Variants in GTF2IRD1 observed in about 807,000 individuals in gnomAD.
GTF2IRD1 encodes the protein GTF2I repeat domain containing 1.
Under a neutral mutation model 113.2 loss-of-function variants are expected in GTF2IRD1, and 26 were observed. The observed-to-expected ratio is 0.23, with a 90% CI of 0.17 to 0.32. The LOEUF (loss-of-function observed/expected upper bound fraction) is 0.32. Among genes scored for constraint, GTF2IRD1 ranks in the 10% least tolerant of loss-of-function variants. GTF2IRD1 has a pLI of 1.00. For missense variants in GTF2IRD1, 864 were observed against 1,280.8 expected (o/e 0.67, Z 4.97); for synonymous variants, 484 against 529.1 (o/e 0.91, Z 1.17).
chr7:74,521,284 C>G lies in GTF2IRD1; in HGVS notation c.993C>G (p.Val331=). 1 of 1,608,594 alleles carries G rather than the reference C, an allele frequency of 6.2e-7. No homozygotes were observed. The highest frequency in any genetic ancestry group is 2.2e-5 in the East Asian group (1 of 44,834). Residue 331 remains valine, a synonymous_variant, in exon 7 of 27, where the codon GTC becomes GTG. Transcript: ENST00000424337. The stretch of plus-strand genomic sequence containing the variant: ...CCAAGCGCATTCTCTTCTCCATCGT[C>G]CATGACAAGTCAGGTAGGACAGCGC... ...HASKRILFSI[V]HDKSEKWDAF...
At chr7:74,474,574 T>A (rs1794298173) in intron 1 of GTF2IRD1, among the ~76,000 whole-genome samples, 4 of 152,194 alleles carry the variant, frequency 2.6e-5, no homozygotes, top group African/African-American at 9.7e-5. Flanking sequence ...CAGACTTCAC[T>A]TTGAAGCTGG....
intron 26 of GTF2IRD1, 178 bp downstream of exon 26, chr7:74,601,358 C>T: frequency 1.3e-6 from 2 of 1,526,692 alleles, no homozygotes; most frequent in Non-Finnish European, 1.8e-6. Context: ...CAAGAGGTAG[C>T]CCATCCTTCT....
chr7:74,559,305 C>T (rs1261500315), intron 21 of GTF2IRD1, among the ~76,000 whole-genome samples: 10 of 152,284 alleles, frequency 6.6e-5, no homozygotes, highest in Middle Eastern at 3.4e-3. Flanking sequence ...CAGCAACACC[C>T]GCTCACTGCA....
In GTF2IRD1 at chr7:74,535,100, C is replaced by T. The variant is rs782055471; in HGVS notation, c.1275-13C>T. On this transcript the variant is annotated splice_polypyrimidine_tract_variant and intron_variant, in intron 9 of 26. Coordinates refer to ENST00000424337, the MANE Select transcript of GTF2IRD1 (RefSeq NM_005685.4). ...CTGCACTGTTCTCATGCCTGTCTCTCTTCTCTCCCCAGGATGTTTGATGAG... is the reference window on the plus strand; with the variant it reads ...CTGCACTGTTCTCATGCCTGTCTCTTTTCTCTCCCCAGGATGTTTGATGAG... 1.2e-6 allele frequency: 2 copies of T among 1,611,672 alleles called. No individual in the cohort carries two copies. Among genetic ancestry groups the T allele is most frequent in the African/African-American group, 2.7e-5 (2 of 74,882 alleles).
intron 8 of GTF2IRD1, 132 bp downstream of exon 8, chr7:74,524,286 T>G: frequency 1.6e-6 from 1 of 624,666 alleles, no homozygotes; most frequent in Non-Finnish European, 2.8e-6. Flanking sequence ...GCACCGCTAA[T>G]GTCATCCGTC....
At chr7:74,538,857 C>T in intron 13 of GTF2IRD1, 97 bp downstream of exon 13, 1 of 694,078 alleles carries the variant, frequency 1.4e-6, no homozygotes, top group Non-Finnish European at 2.6e-6. Flanking sequence ...CTCCAGGCCG[C>T]TGTTTCTCTC....
intron 19 of GTF2IRD1, among the ~76,000 whole-genome samples, chr7:74,557,384 T>G (rs1554357339): frequency 6.6e-6 from 1 of 152,206 alleles, no homozygotes; most frequent in East Asian, 1.9e-4. Flanking sequence ...GCTTATTTAT[T>G]GGTTTGGTGG....
In GTF2IRD1 at chr7:74,558,959, C is replaced by T; in HGVS notation, c.2206C>T (p.Pro736Ser). The T allele has an allele frequency of 3.1e-6, 5 of 1,614,132 alleles. No individual in the cohort carries two copies. Among genetic ancestry groups the T allele is most frequent in the Non-Finnish European group, 4.2e-6 (5 of 1,180,012 alleles). ...CATCGAGGGGCTGCCCCCAGGAATCCCGTTCCGAAAGCCCTGTACCTTCGG... is the reference window on the plus strand; with the variant it reads ...CATCGAGGGGCTGCCCCCAGGAATCTCGTTCCGAAAGCCCTGTACCTTCGG... ...VIIEGLPPGIPFRKPCTFGSQ... is the reference protein window; with the variant it reads ...VIIEGLPPGISFRKPCTFGSQ... Residue 736 changes from proline to serine, a missense_variant, in exon 21 of 27, where the codon CCG (proline) becomes TCG (serine). Physicochemically the swap from Pro to Ser is moderately conservative, Grantham distance 74 (BLOSUM62 -1). Coordinates refer to ENST00000424337, the MANE Select transcript of GTF2IRD1 (RefSeq NM_005685.4).
At chr7:74,485,643 T>G (rs1584496855) in intron 1 of GTF2IRD1, among the ~76,000 whole-genome samples, 3 of 150,192 alleles carry the variant, frequency 2.0e-5, no homozygotes, top group Admixed American at 6.7e-5. Flanking sequence ...TAGATGCAGC[T>G]GGGAGCAGTG....
rs576321321 is a variant in GTF2IRD1, at chr7:74,482,779, T to G, written c.-6-25296T>G. Among the ~76,000 whole-genome samples the G allele has an allele frequency of 2.6e-5, 4 of 152,292 alleles. No homozygotes were observed. In the East Asian group the frequency reaches 7.7e-4, roughly 29 times the overall value. ...TGGAATTCTACCATGTGACCTCAGA[T>G]TCTTTCATCATCCTTGCGAGATTCC... On this transcript the variant is annotated intron_variant, in intron 1 of 26. Coordinates refer to ENST00000424337, the MANE Select transcript of GTF2IRD1 (RefSeq NM_005685.4).
Position 74,584,443 on chromosome 7 carries a change from G to A in GTF2IRD1, c.2321-5408G>A, listed in dbSNP as rs587655209. ...CTGGAAAACAGGGAGACTCTGTCTC[G>A]AAAAATAAAAAAATAAAGGGGGAAG... On this transcript the variant is annotated intron_variant, in intron 22 of 26. Coordinates refer to ENST00000424337, the MANE Select transcript of GTF2IRD1 (RefSeq NM_005685.4). Among the ~76,000 whole-genome samples the A allele has an allele frequency of 1.8e-4, 28 of 151,878 alleles. No individual in the cohort carries two copies. In the South Asian group the frequency reaches 3.1e-3, roughly 17 times the overall value.
rs782163918 is a variant in GTF2IRD1, at chr7:74,601,087, G to T, written c.2673G>T (p.Ser891=). The T allele has an allele frequency of 6.8e-6, 11 of 1,614,078 alleles. No individual in the cohort carries two copies. In the East Asian group the frequency reaches 2.5e-4, roughly 36 times the overall value. ...CCAAGCGCAAGAGAAAGCGGGTCTC[G>T]GAAGGAAATTCCGTCTCCTCTTCCT... The part of the protein sequence containing the change: ...SIPKRKRKRV[S]EGNSVSSSSS... The change falls in exon 26 of 27, where the codon TCG becomes TCT. Residue 891 remains serine (S), a synonymous_variant. Transcript: ENST00000424337.
intron 25 of GTF2IRD1, among the ~76,000 whole-genome samples, chr7:74,600,037 T>G (rs1380304141): frequency 1.3e-5 from 2 of 152,174 alleles, no homozygotes; most frequent in East Asian, 3.9e-4. Context: ...GAATAGGATC[T>G]TGGAGGGTTG....
At chr7:74,500,637 C>G (rs1795983020) in intron 1 of GTF2IRD1, among the ~76,000 whole-genome samples, 2 of 152,288 alleles carry the variant, frequency 1.3e-5, no homozygotes, top group South Asian at 4.1e-4. Flanking sequence ...TTCTTTGCAT[C>G]ACGTGTGTGG....
chr7:74,581,337 C>T (rs1480579007), intron 22 of GTF2IRD1, among the ~76,000 whole-genome samples: 1 of 152,182 alleles, frequency 6.6e-6, no homozygotes, highest in Non-Finnish European at 1.5e-5. Flanking sequence ...TGCTGCTTTA[C>T]AGATGAGGAC....
intron 1 of GTF2IRD1, among the ~76,000 whole-genome samples, chr7:74,478,237 G>A (rs1378291190): frequency 6.6e-6 from 1 of 152,154 alleles, no homozygotes; most frequent in Non-Finnish European, 1.5e-5. Flanking sequence ...TGAGCAACAC[G>A]GGACCTGATG....
chr7:74,515,015 C>T (rs1554344192), intron 3 of GTF2IRD1, among the ~76,000 whole-genome samples: 1 of 146,582 alleles, frequency 6.8e-6, no homozygotes, highest in Non-Finnish European at 1.5e-5. Context: ...CAAGCTTGTG[C>T]CACTGCACTC....
chr7:74,512,859 G>T lies in GTF2IRD1; in HGVS notation c.153G>T (p.Glu51Asp). 1 of 1,614,132 alleles carries T rather than the reference G, an allele frequency of 6.2e-7. No homozygotes were observed. The highest frequency in any genetic ancestry group is 8.5e-7 in the Non-Finnish European group (1 of 1,179,996). Residue 51 changes from glutamate to aspartate, a missense_variant, in exon 3 of 27, where the codon GAG becomes GAT. Transcript: ENST00000424337. This position sits in a 1 kb window ranked among gnomAD's most constrained non-coding sequence, Gnocchi z 4.4. ...CAGCGCTGTCCAAACTGAACGCCGA[G>T]GTGGCCTGTGTCGCCGTGCACGATG... is the stretch of plus-strand genomic sequence containing the variant. The part of the protein sequence containing the change: ...MCSALSKLNA[E>D]VACVAVHDES...
chr7:74,484,382 A>G (rs1554335190), intron 1 of GTF2IRD1, among the ~76,000 whole-genome samples: 1 of 151,808 alleles, frequency 6.6e-6, no homozygotes, highest in African/African-American at 2.4e-5. Flanking sequence ...CCCAGGCTCA[A>G]GTGATCCTCC....
Sources: gnomAD v4.1 joint callset for allele counts (sites outside exome capture counted in the v4.1 genomes callset) on GRCh38, gnomAD v4.1.1 for gene constraint, Gnocchi (gnomAD v3.1) non-coding constraint, MANE v1.5 for transcripts, NCBI Gene and HGNC (gene_info 2026-07-23, HGNC 2026-07-21) for gene names.